The following WWOX variants were observed in gnomAD, a reference collection of about 807,000 sequenced individuals.
The protein encoded by WWOX is WW domain-containing oxidoreductase.
Under a neutral mutation model 46.2 loss-of-function variants are expected in WWOX, and 69 were observed. The observed-to-expected ratio is 1.49, with a 90% confidence interval of 1.23 to 1.82. The LOEUF (loss-of-function observed/expected upper bound fraction) is 1.82. Ranked by LOEUF, WWOX falls within the 40% of genes most tolerant of loss-of-function variation. The pLI, the probability that WWOX is intolerant of heterozygous loss-of-function variation, is 0.00. For missense variants in WWOX, 919 were observed against 542.6 expected, an observed-to-expected ratio of 1.69 and a Z score of -6.89; for synonymous variants, 359 against 202.6, an observed-to-expected ratio of 1.77 and a Z score of -6.56.
At chr16:78,953,723 C>G (rs1177676876) in intron 8 of WWOX, among the ~76,000 whole-genome samples, 1 of 152,154 alleles carries the variant, frequency 6.6e-6, no homozygotes, top group Non-Finnish European at 1.5e-5. Context: ...TGGATAAACT[C>G]TTTCCTGGAA....
intron 5 of WWOX, among the ~76,000 whole-genome samples, chr16:78,300,770 A>G (rs970801648): frequency 1.3e-5 from 2 of 152,176 alleles, no homozygotes; most frequent in Non-Finnish European, 2.9e-5. Context: ...AACTATTTTT[A>G]AAAGTTGACT....
intron 8 of WWOX, among the ~76,000 whole-genome samples, chr16:79,045,971 T>C (rs900079636): frequency 6.6e-6 from 1 of 151,816 alleles, no homozygotes; most frequent in Non-Finnish European, 1.5e-5. Context: ...CTGGCTAATT[T>C]TTGTATTTTT....
chr16:78,894,258 A>G (rs983329843), intron 8 of WWOX, among the ~76,000 whole-genome samples: 3 of 152,116 alleles, frequency 2.0e-5, no homozygotes, highest in Non-Finnish European at 2.9e-5. Flanking sequence ...TTAAAGAGTT[A>G]TACAACACAT....
At chr16:78,553,028 A>G (rs1319974891) in intron 8 of WWOX, 5 of 152,268 alleles carry the variant, frequency 3.3e-5, no homozygotes, top group Non-Finnish European at 7.3e-5. Context: ...ACACAGGAAC[A>G]GAAAACCAAA....
chr16:78,905,529 G>A (rs149505519), intron 8 of WWOX, among the ~76,000 whole-genome samples: 4 of 152,038 alleles, frequency 2.6e-5, no homozygotes, highest in Admixed American at 1.3e-4. Flanking sequence ...CCATAGGCAT[G>A]TTCCACCACA....
chr16:78,274,569 C>T (rs1441290144), intron 5 of WWOX, among the ~76,000 whole-genome samples: 1 of 152,122 alleles, frequency 6.6e-6, no homozygotes, highest in Non-Finnish European at 1.5e-5. Flanking sequence ...AGTGTGTCTC[C>T]TTCCATTCTG....
intron 8 of WWOX, among the ~76,000 whole-genome samples, chr16:78,444,187 G>A (rs1023384632): frequency 1.3e-5 from 2 of 151,984 alleles, no homozygotes; most frequent in African/African-American, 4.8e-5. Context: ...CTCCGTGCCG[G>A]GCTCTGTGGT....
intron 8 of WWOX, among the ~76,000 whole-genome samples, chr16:79,143,720 G>A (rs926301656): frequency 1.3e-5 from 2 of 152,122 alleles, no homozygotes; most frequent in Non-Finnish European, 2.9e-5. Flanking sequence ...GCAGCCCTGA[G>A]GGATAGGTGC....
At chr16:78,543,190 A>G (rs922565637) in intron 8 of WWOX, among the ~76,000 whole-genome samples, 2 of 152,234 alleles carry the variant, frequency 1.3e-5, no homozygotes, top group Non-Finnish European at 2.9e-5. Context: ...CATCTGGCAC[A>G]GATGGCCTTC....
intron 8 of WWOX, among the ~76,000 whole-genome samples, chr16:79,117,038 A>C (rs1346655039): frequency 7.4e-6 from 1 of 135,198 alleles, no homozygotes; most frequent in African/African-American, 2.7e-5. Context: ...CAACAAGTGG[A>C]ATATTTTTAT....
At chr16:78,437,982 T>C (rs952681164) in intron 8 of WWOX, among the ~76,000 whole-genome samples, 2 of 152,160 alleles carry the variant, frequency 1.3e-5, no homozygotes, top group Admixed American at 1.3e-4. Flanking sequence ...TACATATTAG[T>C]CTATGGGTTT....
intron 6 of WWOX, among the ~76,000 whole-genome samples, chr16:78,405,277 T>C (rs1197778395): frequency 1.3e-5 from 2 of 152,174 alleles, no homozygotes; most frequent in Non-Finnish European, 2.9e-5. Flanking sequence ...TGTGCTCCAC[T>C]CTGGGTAACT....
At chr16:79,001,785 G>T (rs767656958) in intron 8 of WWOX, among the ~76,000 whole-genome samples, 1 of 152,104 alleles carries the variant, frequency 6.6e-6, no homozygotes, top group African/African-American at 2.4e-5. Flanking sequence ...ACAAATGAAA[G>T]CCTCTCTGCA....
intron 8 of WWOX, among the ~76,000 whole-genome samples, chr16:78,670,492 G>A (rs984197010): frequency 6.6e-6 from 1 of 151,998 alleles, no homozygotes; most frequent in Non-Finnish European, 1.5e-5. Flanking sequence ...CGGAAATCAT[G>A]TCACCCTCTG....
At chr16:78,279,611 C>T (rs1456292190) in intron 5 of WWOX, among the ~76,000 whole-genome samples, 1 of 152,160 alleles carries the variant, frequency 6.6e-6, no homozygotes, top group Non-Finnish European at 1.5e-5. Context: ...GCCTCTGCTG[C>T]TGGCAGTGAT....
At chr16:78,584,320 C>T (rs1197537966) in intron 8 of WWOX, among the ~76,000 whole-genome samples, 3 of 152,140 alleles carry the variant, frequency 2.0e-5, no homozygotes, top group Non-Finnish European at 4.4e-5. Flanking sequence ...GTCAAATTGG[C>T]CAAGATGAAG....
At chr16:78,980,090 T>G (rs2151332555) in intron 8 of WWOX, among the ~76,000 whole-genome samples, 1 of 152,372 alleles carries the variant, frequency 6.6e-6, no homozygotes, top group African/African-American at 2.4e-5. Context: ...ATTGCACCAC[T>G]GCACTGCAGC....
intron 8 of WWOX, among the ~76,000 whole-genome samples, chr16:78,461,300 C>T (rs1042317323): frequency 2.6e-5 from 4 of 152,120 alleles, no homozygotes; most frequent in African/African-American, 9.7e-5. Context: ...TCATCGTCTG[C>T]TGCTCTTGCA....
chr16:78,774,740 A>T (rs981705997), intron 8 of WWOX, among the ~76,000 whole-genome samples: 1 of 152,138 alleles, frequency 6.6e-6, no homozygotes, highest in Admixed American at 6.5e-5. Context: ...ACATACACAC[A>T]CATGGGCACA....
Sources: allele counts gnomAD v4.1 joint callset (sites outside exome capture counted in the v4.1 genomes callset), GRCh38; gene constraint gnomAD v4.1.1; transcripts MANE v1.5; gene names NCBI Gene and HGNC (gene_info 2026-07-23, HGNC 2026-07-21).